The following CAB39 variants were observed in gnomAD, a reference collection of about 807,000 sequenced individuals.
The protein encoded by CAB39 is calcium binding protein 39, also known as calcium-binding protein 39.
CAB39 carries 8 observed loss-of-function variants against 40.0 expected under a neutral mutation model. The observed-to-expected ratio is 0.20, with a 90% CI of 0.12 to 0.36. The LOEUF (loss-of-function observed/expected upper bound fraction) is 0.36. Among genes scored for constraint, CAB39 ranks in the 10% least tolerant of loss-of-function variants. The pLI, the probability that CAB39 is intolerant of heterozygous loss-of-function variation, is 1.00. For synonymous variants in CAB39, 156 were observed against 141.6 expected (o/e 1.10, Z -0.72); for missense variants, 270 against 401.1 (o/e 0.67, Z 2.79).
intron 2 of CAB39, among the ~76,000 whole-genome samples, chr2:230,767,126 C>T (rs1368299818): frequency 6.6e-6 from 1 of 152,194 alleles, no homozygotes; most frequent in Non-Finnish European, 1.5e-5. Flanking sequence ...CTATTCAGAT[C>T]ACAGCAGGAT....
intron 1 of CAB39, among the ~76,000 whole-genome samples, chr2:230,753,081 G>A (rs906001560): frequency 1.3e-5 from 2 of 152,020 alleles, no homozygotes; most frequent in African/African-American, 4.8e-5. Flanking sequence ...CAACATTGGA[G>A]TAGAGTCATT....
intron 2 of CAB39, among the ~76,000 whole-genome samples, chr2:230,771,034 T>G (rs1039205290): frequency 3.3e-5 from 5 of 152,194 alleles, no homozygotes; most frequent in Admixed American, 1.3e-4. Context: ...ACTTGGAGGT[T>G]CTAGCCTATG....
intron 1 of CAB39, among the ~76,000 whole-genome samples, chr2:230,740,124 G>A (rs1694851852): frequency 6.6e-6 from 1 of 152,322 alleles, no homozygotes. Context: ...TGGGTCATGA[G>A]GTCAAAGTAG....
chr2:230,783,106 C>T (rs1445349074), intron 2 of CAB39, among the ~76,000 whole-genome samples: 2 of 152,132 alleles, frequency 1.3e-5, no homozygotes. Flanking sequence ...GGATTACAGG[C>T]GTGAGCCACT....
At chr2:230,728,685 CTG>C (rs1361255565) in intron 1 of CAB39, among the ~76,000 whole-genome samples, 1 of 152,218 alleles carries the variant, frequency 6.6e-6, no homozygotes, top group Non-Finnish European at 1.5e-5. Context: ...TCATAGTTTA[CTG>C]TAGCCCCGAA....
chr2:230,716,704 C>T (rs1265950071), intron 1 of CAB39, among the ~76,000 whole-genome samples: 1 of 152,170 alleles, frequency 6.6e-6, no homozygotes, highest in African/African-American at 2.4e-5. Context: ...GCCTCCAGCC[C>T]TATTTTAAAA....
intron 5 of CAB39, among the ~76,000 whole-genome samples, chr2:230,804,463 A>C (rs1031007448): frequency 3.9e-5 from 6 of 152,250 alleles, no homozygotes; most frequent in Non-Finnish European, 7.3e-5. Flanking sequence ...CAGGCACCCT[A>C]CAGAATGGGA....
chr2:230,752,993 T>A (rs73111572), intron 1 of CAB39, among the ~76,000 whole-genome samples: 31,469 of 152,036 alleles, frequency 0.21, 6,181 homozygotes, highest in African/African-American at 0.52. Flanking sequence ...GGATTTCAGA[T>A]TGTTGAAACC....
chr2:230,776,464 T>G (rs1440931715), intron 2 of CAB39, among the ~76,000 whole-genome samples: 1 of 152,184 alleles, frequency 6.6e-6, no homozygotes, highest in Non-Finnish European at 1.5e-5. Context: ...TGCATATAGC[T>G]CTATGCAATT....
chr2:230,760,288 C>T (rs1695267185), intron 2 of CAB39, among the ~76,000 whole-genome samples, 173 bp downstream of exon 2: 1 of 152,184 alleles, frequency 6.6e-6, no homozygotes, highest in African/African-American at 2.4e-5. Context: ...TTTCGTCTAA[C>T]AAATAGATTT....
chr2:230,813,380 C>G (rs1696337676), intron 6 of CAB39, among the ~76,000 whole-genome samples: 1 of 152,084 alleles, frequency 6.6e-6, no homozygotes, highest in Non-Finnish European at 1.5e-5. Context: ...TTGTTCTCCC[C>G]GGGGCTTCAT....
At chr2:230,731,391 C>T (rs1694685951) in intron 1 of CAB39, among the ~76,000 whole-genome samples, 1 of 152,128 alleles carries the variant, frequency 6.6e-6, no homozygotes, top group Non-Finnish European at 1.5e-5. Flanking sequence ...AATAAAATTC[C>T]TTTTTCATTC....
intron 2 of CAB39, among the ~76,000 whole-genome samples, chr2:230,785,791 C>G (rs558848660): frequency 4.6e-5 from 7 of 151,922 alleles, no homozygotes; most frequent in African/African-American, 1.7e-4. Flanking sequence ...ACCTCCTGAT[C>G]TCAGCCTCAG....
At chr2:230,796,284 A>G (rs1183577761) in intron 4 of CAB39, among the ~76,000 whole-genome samples, 2 of 152,128 alleles carry the variant, frequency 1.3e-5, no homozygotes, top group East Asian at 1.9e-4. Flanking sequence ...TTGCGGGGCC[A>G]TGCTGCTAAT....
intron 1 of CAB39, among the ~76,000 whole-genome samples, chr2:230,740,008 C>G (rs544808777): frequency 1.3e-5 from 2 of 152,222 alleles, no homozygotes; most frequent in South Asian, 4.1e-4. Context: ...AGGAGTAGGG[C>G]TAGGATAGAA....
chr2:230,810,743 G>A (rs140733880), intron 6 of CAB39, among the ~76,000 whole-genome samples: 5 of 152,332 alleles, frequency 3.3e-5, no homozygotes, highest in Admixed American at 6.5e-5. Context: ...CTCTGCTCCT[G>A]CTCTACTGCT....
chr2:230,793,015 A>G (rs1220740776), intron 3 of CAB39, among the ~76,000 whole-genome samples, 198 bp from the exon 4 acceptor site: 1 of 152,224 alleles, frequency 6.6e-6, no homozygotes, highest in Admixed American at 6.5e-5. Flanking sequence ...CACATTGTTC[A>G]TGTTAAAAAT....
intron 1 of CAB39, chr2:230,713,809 C>G (rs997014593): frequency 2.6e-5 from 4 of 152,342 alleles, no homozygotes; most frequent in African/African-American, 9.6e-5. Flanking sequence ...AAAGGTGAAG[C>G]GGGCCCCGGT....
At chr2:230,720,360 A>C (rs757272909) in intron 1 of CAB39, among the ~76,000 whole-genome samples, 1 of 152,200 alleles carries the variant, frequency 6.6e-6, no homozygotes, top group Non-Finnish European at 1.5e-5. Flanking sequence ...CACTGGTAAG[A>C]GATAAGGGTG....
Sources: allele counts gnomAD v4.1 joint callset (sites outside exome capture counted in the v4.1 genomes callset), GRCh38; gene constraint gnomAD v4.1.1; transcripts MANE v1.5; gene names NCBI Gene and HGNC (gene_info 2026-07-23, HGNC 2026-07-21).